Variants in KDM4B observed in about 807,000 individuals in gnomAD.
KDM4B encodes lysine demethylase 4B.
A neutral mutation model predicts 125.2 loss-of-function variants in KDM4B; 32 were observed. The ratio of observed to expected loss-of-function variants is 0.26; its 90% CI spans 0.19 to 0.34. KDM4B has a LOEUF of 0.34. Ranked by LOEUF, KDM4B falls within the 10% of genes least tolerant of loss-of-function variation. The probability of loss-of-function intolerance (pLI) is 1.00; values close to 1 mark genes in which losing one functional copy is unlikely to be tolerated. For missense variants in KDM4B, 1,190 were observed against 1,577.7 expected (o/e 0.75, Z 4.16); for synonymous variants, 721 against 677.9 (o/e 1.06, Z -0.99).
chr19:5,025,055 T>C (rs1168647025), intron 2 of KDM4B, among the ~76,000 whole-genome samples: 1 of 152,272 alleles, frequency 6.6e-6, no homozygotes. Flanking sequence ...AGAAGGCTGC[T>C]CTTGGGCCTC....
chr19:5,033,286 G>A (rs984345547), intron 3 of KDM4B, among the ~76,000 whole-genome samples: 2 of 152,266 alleles, frequency 1.3e-5, no homozygotes, highest in East Asian at 3.9e-4. Flanking sequence ...GGGTGGTGAG[G>A]ACACACAGCC....
intron 1 of KDM4B, among the ~76,000 whole-genome samples, chr19:4,975,678 C>T (rs187074438): frequency 6.6e-6 from 1 of 151,230 alleles, no homozygotes; most frequent in Non-Finnish European, 1.5e-5. Flanking sequence ...CTGCAACCTC[C>T]ACCTCCCGGA....
chr19:5,064,974 GAGGGGACAGGATAT>G (rs2037721992), intron 6 of KDM4B, among the ~76,000 whole-genome samples: 1 of 152,264 alleles, frequency 6.6e-6, no homozygotes, highest in African/African-American at 2.4e-5. Flanking sequence ...CAGAGGCTGT[GAGGGGACAGGATAT>G]TGGACCCCCA....
At chr19:5,009,271 A>G (rs765754640) in intron 1 of KDM4B, among the ~76,000 whole-genome samples, 1 of 152,186 alleles carries the variant, frequency 6.6e-6, no homozygotes, top group Non-Finnish European at 1.5e-5. Context: ...TTTTGGTATC[A>G]ATAAGGATAT....
intron 1 of KDM4B, among the ~76,000 whole-genome samples, chr19:4,991,097 G>A (rs1331001371): frequency 6.6e-6 from 1 of 152,092 alleles, no homozygotes; most frequent in Non-Finnish European, 1.5e-5. Context: ...CTGCCTGGGC[G>A]ACAGAGTGAG....
intron 9 of KDM4B, among the ~76,000 whole-genome samples, chr19:5,097,678 C>T (rs773205069): frequency 1.5e-4 from 23 of 152,244 alleles, no homozygotes; most frequent in Admixed American, 3.3e-4. Flanking sequence ...AGCAGAGGAC[C>T]GCTGCCCTGT....
chr19:4,991,201 C>T (rs1003364549), intron 1 of KDM4B, among the ~76,000 whole-genome samples: 2 of 152,126 alleles, frequency 1.3e-5, no homozygotes, highest in African/African-American at 2.4e-5. Flanking sequence ...CATGGAATAA[C>T]GAGCCCCCCA....
chr19:4,982,452 CA>C (rs773410154), intron 1 of KDM4B, among the ~76,000 whole-genome samples: 1,353 of 53,608 alleles, frequency 0.025, 10 homozygotes, highest in African/African-American at 0.057. Context: ...GACTCCGTCT[CA>C]AAAAAAAAAA....
chr19:5,129,814 C>T (rs1334032893), intron 11 of KDM4B, among the ~76,000 whole-genome samples: 2 of 152,240 alleles, frequency 1.3e-5, no homozygotes, highest in African/African-American at 2.4e-5. Context: ...CCCCAGGGCT[C>T]ACGGTGTTCT....
At chr19:5,045,504 G>A (rs1370561011) in intron 5 of KDM4B, among the ~76,000 whole-genome samples, 6 of 151,844 alleles carry the variant, frequency 4.0e-5, no homozygotes, top group Non-Finnish European at 8.8e-5. Context: ...CTGTGCCTCA[G>A]CTTCCCAAGT....
At chr19:4,977,256 C>T (rs1272984555) in intron 1 of KDM4B, among the ~76,000 whole-genome samples, 3 of 152,200 alleles carry the variant, frequency 2.0e-5, no homozygotes, top group South Asian at 2.1e-4. Context: ...GGACTGGGAT[C>T]GTGTTTGTTC....
intron 17 of KDM4B, 50 bp from the exon 18 acceptor site, chr19:5,137,912 A>G (rs766051113): frequency 6.7e-7 from 1 of 1,486,142 alleles, no homozygotes; most frequent in East Asian, 2.3e-5. Flanking sequence ...CTCTGTGACC[A>G]GCCCAGGTCC....
intron 11 of KDM4B, among the ~76,000 whole-genome samples, chr19:5,120,270 G>A (rs902182329): frequency 6.6e-6 from 1 of 152,212 alleles, no homozygotes; most frequent in Non-Finnish European, 1.5e-5. Context: ...AGTGAGCCGT[G>A]TTTGCACCTC....
Position 5,144,005 on chromosome 19 carries a change from A to G in KDM4B, c.2589A>G (p.Ser863=). The stretch of plus-strand genomic sequence containing the variant: ...GCCGGAAGCGGATGAAGAAGGTGTC[A>G]GGTGCCTGTATCCAGTGCTCCTACG... ...VYCRKRMKKV[S]GACIQCSYEH... is the part of the protein sequence containing the mutation. Residue 863 remains serine (S), a synonymous_variant, in exon 19 of 23, where the codon TCA becomes TCG. Transcript: ENST00000159111. 1 of 1,589,680 alleles carries G rather than the reference A, an allele frequency of 6.3e-7. No individual in the cohort carries two copies. The highest frequency in any genetic ancestry group is 8.6e-7 in the Non-Finnish European group (1 of 1,160,244).
chr19:5,104,151 G>A (rs2038990722), intron 9 of KDM4B, among the ~76,000 whole-genome samples: 1 of 152,186 alleles, frequency 6.6e-6, no homozygotes, highest in South Asian at 2.1e-4. Context: ...ACCCCGAGAA[G>A]CAGAGGAGCT....
At position 5,151,804 on chromosome 19, in the gene KDM4B, T is replaced by A. The variant is rs2039953591; in HGVS notation, c.*293T>A. The A allele has an allele frequency of 6.0e-6, 2 of 335,202 alleles. No individual in the cohort carries two copies. Among genetic ancestry groups the A allele is most frequent in the East Asian group, 8.9e-5 (2 of 22,380 alleles). 20.8% of individuals were successfully genotyped at this position (335,202 alleles called of 1,614,324 possible). A position where few individuals can be genotyped will look rare whatever the true frequency, so the allele number is the denominator to read the frequency against. On this transcript the variant is annotated 3_prime_UTR_variant, in exon 23 of 23. Transcript: ENST00000159111. Reference sequence around the variant, plus strand: ...TCGAAAAGGTGCTACTGCAATGCCCTACTGAGCAACCTTTGAGATTGTCAC... The same window carrying A: ...TCGAAAAGGTGCTACTGCAATGCCCAACTGAGCAACCTTTGAGATTGTCAC...
At chr19:5,032,121 G>A (rs943346146) in intron 2 of KDM4B, among the ~76,000 whole-genome samples, 1 of 152,170 alleles carries the variant, frequency 6.6e-6, no homozygotes, top group African/African-American at 2.4e-5. Flanking sequence ...CAACACCTGG[G>A]ACAGGAGGGA....
chr19:5,077,607 G>A (rs1014632300), intron 8 of KDM4B, 137 bp downstream of exon 8: 3 of 692,936 alleles, frequency 4.3e-6, no homozygotes, highest in East Asian at 5.4e-5. Flanking sequence ...TGCCAGAGGA[G>A]GGCCGCATGG....
chr19:5,110,723 G>A lies in KDM4B; in HGVS notation c.1020G>A (p.Thr340=), dbSNP rs142922912. 17 of 1,612,676 alleles carry A rather than the reference G, an allele frequency of 1.1e-5. No homozygotes were observed. The highest frequency in any genetic ancestry group is 5.3e-5 in the African/African-American group (4 of 74,930). ...TGTGGAAGCAGGGCAAGGACCTCAC[G>A]GTGCTGGACCACACGCGGCCCACGG... ...YELWKQGKDL[T]VLDHTRPTAL... is the part of the protein sequence containing the mutation. The change falls in exon 10 of 23, where the codon ACG becomes ACA. Residue 340 remains threonine (T), a synonymous_variant. Transcript: ENST00000159111.
Sources: allele counts gnomAD v4.1 joint callset (sites outside exome capture counted in the v4.1 genomes callset), GRCh38; gene constraint gnomAD v4.1.1; transcripts MANE v1.5; gene names NCBI Gene and HGNC (gene_info 2026-07-23, HGNC 2026-07-21).